Variants in PPARGC1A observed in about 807,000 individuals in gnomAD.
PPARGC1A encodes PPARG coactivator 1 alpha.
Under a neutral mutation model 88.7 loss-of-function variants are expected in PPARGC1A, and 25 were observed. The observed-to-expected ratio is 0.28, with a 90% CI of 0.21 to 0.39. PPARGC1A has a LOEUF of 0.39. Ranked by LOEUF, PPARGC1A falls within the 10% of genes least tolerant of loss-of-function variation. PPARGC1A has a pLI of 1.00. For missense variants in PPARGC1A, 880 were observed against 968.7 expected, an observed-to-expected ratio of 0.91 and a Z score of 1.22; for synonymous variants, 363 against 355.6, an observed-to-expected ratio of 1.02 and a Z score of -0.24.
In PPARGC1A at chr4:23,839,609, C is replaced by T. The variant is rs138322014; in HGVS notation, c.235-7858G>A. 1.9e-3 allele frequency among the ~76,000 whole-genome samples: 288 copies of T among 152,218 alleles called. 3 individuals are homozygous for T. The highest frequency in any genetic ancestry group is 3.4e-3 in the Middle Eastern group (1 of 294). Reference sequence around the variant, plus strand: ...ACTCTCTGGCTGCATTGCATAGTCTCGAATGAAAATCCCATAGGTTTCTGC... The same window carrying T: ...ACTCTCTGGCTGCATTGCATAGTCTTGAATGAAAATCCCATAGGTTTCTGC... On this transcript the variant is annotated intron_variant, in intron 2 of 12. Transcript: ENST00000264867.
At chr4:23,913,519 G>A in the PPARGC1A span, among the ~76,000 whole-genome samples, 1 of 151,806 alleles carries the variant, frequency 6.6e-6, no homozygotes, top group African/African-American at 2.4e-5. Flanking sequence ...ATGTGTAAAA[G>A]CCCAGGATAG....
the PPARGC1A span, among the ~76,000 whole-genome samples, chr4:24,434,202 C>T: frequency 6.6e-6 from 1 of 152,208 alleles, no homozygotes; most frequent in Non-Finnish European, 1.5e-5. Flanking sequence ...GAACTCACCA[C>T]CTCTCATACG....
chr4:24,061,420 C>T, the PPARGC1A span, among the ~76,000 whole-genome samples: 7 of 152,194 alleles, frequency 4.6e-5, no homozygotes, highest in South Asian at 2.1e-4. Context: ...ACATAAAATG[C>T]CTGGCGACAA....
chr4:24,022,143 T>C, the PPARGC1A span, among the ~76,000 whole-genome samples: 1 of 152,138 alleles, frequency 6.6e-6, no homozygotes, highest in African/African-American at 2.4e-5. Flanking sequence ...AGCATGCAGG[T>C]GAAGGAATCC....
At chr4:24,439,382 T>G in the PPARGC1A span, among the ~76,000 whole-genome samples, 2 of 152,250 alleles carry the variant, frequency 1.3e-5, no homozygotes, top group African/African-American at 4.8e-5. Flanking sequence ...TGAAAACCAC[T>G]GCTCTACTGA....
At chr4:24,115,626 C>T in the PPARGC1A span, among the ~76,000 whole-genome samples, 1 of 152,162 alleles carries the variant, frequency 6.6e-6, no homozygotes, top group African/African-American at 2.4e-5. Context: ...ACCTAGGAAG[C>T]TCTCTAACCA....
intron 2 of PPARGC1A, among the ~76,000 whole-genome samples, chr4:23,863,036 C>A (rs563062932): frequency 1.5e-4 from 23 of 152,224 alleles, no homozygotes; most frequent in African/African-American, 4.8e-4. Flanking sequence ...TTAACCAAGC[C>A]CAAATTCTCC....
At chr4:23,861,653 G>A (rs1731244129) in intron 2 of PPARGC1A, among the ~76,000 whole-genome samples, 1 of 152,070 alleles carries the variant, frequency 6.6e-6, no homozygotes, top group African/African-American at 2.4e-5. Context: ...ATGGGGCATG[G>A]TTTGACTCCT....
At chr4:23,939,137 G>A in the PPARGC1A span, among the ~76,000 whole-genome samples, 1 of 152,118 alleles carries the variant, frequency 6.6e-6, no homozygotes, top group African/African-American at 2.4e-5. Flanking sequence ...GAAGGAAAAA[G>A]GGAAGAAGAA....
chr4:24,050,629 C>G, the PPARGC1A span, among the ~76,000 whole-genome samples: 2 of 152,298 alleles, frequency 1.3e-5, no homozygotes, highest in African/African-American at 4.8e-5. Context: ...GTTCCCTAGT[C>G]TGGCTTCCTT....
the PPARGC1A span, among the ~76,000 whole-genome samples, chr4:24,444,645 C>T: frequency 5.2e-4 from 79 of 152,132 alleles, no homozygotes; most frequent in Non-Finnish European, 1.0e-3. Flanking sequence ...ATTGATGTAA[C>T]TTAGAAAGTC....
the PPARGC1A span, among the ~76,000 whole-genome samples, chr4:24,172,329 G>A: frequency 5.9e-5 from 9 of 152,196 alleles, no homozygotes; most frequent in South Asian, 1.9e-3. Context: ...CAAAGAAAGA[G>A]GACAATTCAT....
the PPARGC1A span, among the ~76,000 whole-genome samples, chr4:24,072,663 G>A: frequency 2.6e-5 from 4 of 152,064 alleles, no homozygotes; most frequent in Non-Finnish European, 4.4e-5. Flanking sequence ...ATTTAAAACA[G>A]ATCTTGCATG....
At chr4:24,344,453 A>C in the PPARGC1A span, among the ~76,000 whole-genome samples, 2 of 152,002 alleles carry the variant, frequency 1.3e-5, no homozygotes, top group East Asian at 3.9e-4. Context: ...TTGTAGGAGT[A>C]AGGTGGTATT....
chr4:24,427,422 A>G, the PPARGC1A span, among the ~76,000 whole-genome samples: 1 of 152,012 alleles, frequency 6.6e-6, no homozygotes, highest in African/African-American at 2.4e-5. Flanking sequence ...GTGGGACTAC[A>G]GGCAAGTGCT....
At chr4:24,325,234 T>A in the PPARGC1A span, among the ~76,000 whole-genome samples, 1 of 152,166 alleles carries the variant, frequency 6.6e-6, no homozygotes, top group African/African-American at 2.4e-5. Context: ...TTATTCTCAA[T>A]ATACATTTTA....
chr4:23,918,851 A>G, the PPARGC1A span, among the ~76,000 whole-genome samples: 1 of 152,144 alleles, frequency 6.6e-6, no homozygotes, highest in Non-Finnish European at 1.5e-5. Flanking sequence ...ATGAATAAAG[A>G]TAGGAGCAAG....
the PPARGC1A span, among the ~76,000 whole-genome samples, chr4:24,412,473 T>C: frequency 6.6e-6 from 1 of 152,166 alleles, no homozygotes; most frequent in South Asian, 2.1e-4. Context: ...GTAAATAAAA[T>C]TTTTTTGTTG....
chr4:24,310,664 A>G, the PPARGC1A span, among the ~76,000 whole-genome samples: 2 of 152,230 alleles, frequency 1.3e-5, no homozygotes, highest in African/African-American at 4.8e-5. Context: ...AACTGAGTTA[A>G]TTGCCCACTA....
Sources: gnomAD v4.1 joint callset for allele counts (sites outside exome capture counted in the v4.1 genomes callset) on GRCh38, gnomAD v4.1.1 for gene constraint, MANE v1.5 for transcripts, NCBI Gene and HGNC (gene_info 2026-07-23, HGNC 2026-07-21) for gene names.